Variants in TSPAN8 observed in about 807,000 individuals in gnomAD.
TSPAN8 encodes tetraspanin-8.
TSPAN8 carries 21 observed loss-of-function variants against 32.8 expected under a neutral mutation model. That is an observed-to-expected ratio of 0.64 (90% confidence interval 0.45 to 0.92). TSPAN8 has a LOEUF of 0.92. TSPAN8 is among the 40% of genes least tolerant of loss of function. The pLI is 0.00. For synonymous variants in TSPAN8, 95 were observed against 94.6 expected (o/e 1.00, Z -0.03); for missense variants, 269 against 281.9 (o/e 0.95, Z 0.33).
chr12:71,156,196 G>C (rs1872423502), intron 2 of TSPAN8, among the ~76,000 whole-genome samples: 1 of 143,646 alleles, frequency 7.0e-6, no homozygotes, highest in African/African-American at 2.6e-5. Context: ...ACCTGGGCTG[G>C]CCAATGGAGT....
chr12:71,127,058 C>T lies in TSPAN8; in HGVS notation c.661-1671G>A, dbSNP rs562115561. On this transcript the variant is annotated intron_variant, in intron 8 of 8. Coordinates refer to ENST00000247829, the MANE Select transcript of TSPAN8 (RefSeq NM_004616.3). Reference sequence around the variant, plus strand: ...ACTAACATAAGGTCTAAATATGGGGCGGTCTTTTTTTATATGATATTTTTC... The same window carrying T: ...ACTAACATAAGGTCTAAATATGGGGTGGTCTTTTTTTATATGATATTTTTC... Among the ~76,000 whole-genome samples the T allele has an allele frequency of 3.9e-5, 6 of 152,124 alleles. No homozygotes were observed. In the East Asian group the frequency reaches 1.2e-3, roughly 29 times the overall value.
At chr12:71,144,742 A>C (rs943052326) in intron 2 of TSPAN8, among the ~76,000 whole-genome samples, 4 of 152,178 alleles carry the variant, frequency 2.6e-5, no homozygotes, top group African/African-American at 7.2e-5. Flanking sequence ...CTATATAATA[A>C]TCAACACTTT....
Position 71,144,133 on chromosome 12 carries a change from T to G in TSPAN8, c.123+18A>C. 2 of 1,606,636 alleles carry G rather than the reference T, an allele frequency of 1.2e-6. No individual in the cohort carries two copies. Among genetic ancestry groups the G allele is most frequent in the Non-Finnish European group, 1.7e-6 (2 of 1,176,058 alleles). Reference sequence around the variant, plus strand: ...TAAACTACATTGGGGAAAGGGTGACTTGTTTTTGCATACTTACTGCTTGAG... The same window carrying G: ...TAAACTACATTGGGGAAAGGGTGACGTGTTTTTGCATACTTACTGCTTGAG... On this transcript the variant is annotated intron_variant, in intron 3 of 8. Transcript: ENST00000247829.
In TSPAN8 at chr12:71,153,175, C is replaced by T. The variant is rs148735644; in HGVS notation, c.60+4444G>A. Among the ~76,000 whole-genome samples, 355 of 152,236 alleles carry T rather than the reference C, an allele frequency of 2.3e-3. 1 individual carries two copies. Among genetic ancestry groups the T allele is most frequent in the African/African-American group, 8.2e-3 (342 of 41,546 alleles). On this transcript the variant is annotated intron_variant, in intron 2 of 8. Transcript: ENST00000247829. ...CATACTTACTCAGACCCCTAAAGCA[C>T]CATAAGCATCTACGATATTCCTAGG...
At chr12:71,129,232 G>T (rs1202253143) in intron 8 of TSPAN8, 99 bp downstream of exon 8, 86 of 1,022,910 alleles carry the variant, frequency 8.4e-5, no homozygotes, top group Middle Eastern at 2.4e-4. Context: ...GGTTGTTGTG[G>T]TTTTTTTTTT....
At chr12:71,131,156 T>C (rs1163408389) in intron 7 of TSPAN8, among the ~76,000 whole-genome samples, 1 of 152,206 alleles carries the variant, frequency 6.6e-6, no homozygotes, top group Non-Finnish European at 1.5e-5. Context: ...GTGGAAACTA[T>C]TTTTATTTAC....
intron 2 of TSPAN8, 22 bp from the exon 3 acceptor site, chr12:71,144,235 CA>C: frequency 6.2e-7 from 1 of 1,603,706 alleles, no homozygotes; most frequent in Non-Finnish European, 8.5e-7. Flanking sequence ...AACAAACAAA[CA>C]AAAAGAATAC....
intron 2 of TSPAN8, among the ~76,000 whole-genome samples, chr12:71,146,907 G>A (rs1872094911): frequency 6.6e-6 from 1 of 152,110 alleles, no homozygotes; most frequent in Admixed American, 6.5e-5. Context: ...AAGATTAAAT[G>A]AGGTCATGAA....
intron 8 of TSPAN8, among the ~76,000 whole-genome samples, chr12:71,128,490 C>CT: frequency 6.6e-6 from 1 of 152,124 alleles, no homozygotes; most frequent in Non-Finnish European, 1.5e-5. Context: ...CACATTCTTG[C>CT]TAATGCCCTG....
intron 3 of TSPAN8, among the ~76,000 whole-genome samples, chr12:71,142,252 CGTAACTAAA>C (rs778200950): frequency 7.2e-5 from 11 of 152,122 alleles, no homozygotes; most frequent in Non-Finnish European, 1.6e-4. Context: ...TGAGTCAAAA[CGTAACTAAA>C]GATGCTGTCT....
At chr12:71,131,923 T>C (rs1318950664) in intron 7 of TSPAN8, among the ~76,000 whole-genome samples, 1 of 152,036 alleles carries the variant, frequency 6.6e-6, no homozygotes, top group Non-Finnish European at 1.5e-5. Flanking sequence ...TCTTCCTTAC[T>C]TGAGCATCAG....
Position 71,129,316 on chromosome 12 carries a change from A to C in TSPAN8, c.660+15T>G. 6.5e-7 allele frequency: 1 copy of C among 1,535,790 alleles called. No individual in the cohort carries two copies. Among genetic ancestry groups the C allele is most frequent in the Non-Finnish European group, 8.7e-7 (1 of 1,147,322 alleles). On this transcript the variant is annotated intron_variant, in intron 8 of 8. Coordinates refer to ENST00000247829, the MANE Select transcript of TSPAN8 (RefSeq NM_004616.3). ...AAGGGAATAAAAGAGTCAATAATAC[A>C]AGATTATACTGTACCTCAATAACTG...
chr12:71,142,198 T>A (rs1315786207), intron 3 of TSPAN8, among the ~76,000 whole-genome samples: 1 of 152,202 alleles, frequency 6.6e-6, no homozygotes, highest in Non-Finnish European at 1.5e-5. Context: ...AATGTTGTCC[T>A]GGCAGACACT....
chr12:71,132,856 C>A, intron 6 of TSPAN8, 32 bp from the exon 7 acceptor site: 1 of 1,611,982 alleles, frequency 6.2e-7, no homozygotes, highest in East Asian at 2.2e-5. Context: ...GAGAAGCAGT[C>A]AGTAAGAAGA....
chr12:71,137,601 C>T (rs1380417920), intron 6 of TSPAN8, among the ~76,000 whole-genome samples: 1 of 70,572 alleles, frequency 1.4e-5, no homozygotes. Flanking sequence ...CTCTGTCCCC[C>T]CCCAAAAAAA....
chr12:71,146,948 C>T (rs1174589581), intron 2 of TSPAN8, among the ~76,000 whole-genome samples: 1 of 152,020 alleles, frequency 6.6e-6, no homozygotes, highest in Non-Finnish European at 1.5e-5. Flanking sequence ...GAACTGGTGA[C>T]CTTATAGGAG....
At chr12:71,143,711 T>G (rs1416879656) in intron 3 of TSPAN8, among the ~76,000 whole-genome samples, 1 of 152,162 alleles carries the variant, frequency 6.6e-6, no homozygotes, top group Non-Finnish European at 1.5e-5. Flanking sequence ...CCAAGAAAAC[T>G]TCTCATTTTC....
chr12:71,134,630 GATTA>G (rs748644682), intron 6 of TSPAN8, among the ~76,000 whole-genome samples: 88 of 152,264 alleles, frequency 5.8e-4, no homozygotes, highest in African/African-American at 1.9e-3. Context: ...TGGTAGACAT[GATTA>G]ATTGTTTATT....
rs1287011627 is a variant in TSPAN8 at position 71,156,269 on chromosome 12, C to CAAA, written c.60+1347_60+1349dup. Among the ~76,000 whole-genome samples the CAAA allele has an allele frequency of 1.1e-3, 37 of 32,522 alleles. 1 individual carries two copies. The highest frequency in any genetic ancestry group is 4.5e-3 in the African/African-American group (36 of 7,980). 21.3% of individuals were successfully genotyped at this position (32,522 alleles called of 152,430 possible). ...GTTCTCCAAAAAAAAAAAAAAAAAA[C>CAAA]AAACAAAAAAAAAACTAGAAACAAA... On this transcript the variant is annotated intron_variant, in intron 2 of 8. Transcript: ENST00000247829.
Sources: gnomAD v4.1 joint callset for allele counts (sites outside exome capture counted in the v4.1 genomes callset) on GRCh38, gnomAD v4.1.1 for gene constraint, MANE v1.5 for transcripts, NCBI Gene and HGNC (gene_info 2026-07-23, HGNC 2026-07-21) for gene names.